TMPRSS3: variants seen among roughly 807,000 people sequenced by gnomAD.
TMPRSS3 encodes transmembrane protease serine 3.
TMPRSS3 carries 55 observed loss-of-function variants against 59.6 expected under a neutral mutation model. The ratio of observed to expected loss-of-function variants is 0.92; its 90% CI spans 0.74 to 1.16. The LOEUF is 1.16. Ranked by LOEUF, TMPRSS3 falls within the 50% of genes most tolerant of loss-of-function variation. The probability of loss-of-function intolerance (pLI) is 0.00; values close to 1 mark genes in which losing one functional copy is unlikely to be tolerated. For missense variants in TMPRSS3, 596 were observed against 579.4 expected (o/e 1.03, Z -0.29); for synonymous variants, 257 against 237.7 (o/e 1.08, Z -0.75).
At chr21:42,378,796 C>T (rs1384178116) in intron 10 of TMPRSS3, among the ~76,000 whole-genome samples, 2 of 152,198 alleles carry the variant, frequency 1.3e-5, no homozygotes, top group Non-Finnish European at 2.9e-5. Context: ...CGGCTCACTG[C>T]AGCTTAGAAT....
intron 8 of TMPRSS3, 116 bp downstream of exon 8, chr21:42,382,917 T>A: frequency 8.0e-7 from 1 of 1,253,274 alleles, no homozygotes. Flanking sequence ...GTACATTACT[T>A]GGAGGTTAGT....
chr21:42,372,681 G>C lies in TMPRSS3; in HGVS notation c.*81C>G. On this transcript the variant is annotated 3_prime_UTR_variant, in exon 13 of 13. Coordinates refer to ENST00000644384, the MANE Select transcript of TMPRSS3 (RefSeq NM_001256317.3). ...TCCAAGGGTGTCTGCTCGTGTGCAGGTTCCTACACGGGAGTCCAGGGGAGG... is the reference window on the plus strand; with the variant it reads ...TCCAAGGGTGTCTGCTCGTGTGCAGCTTCCTACACGGGAGTCCAGGGGAGG... 6.8e-7 allele frequency: 1 copy of C among 1,480,570 alleles called. No homozygotes were observed. Among genetic ancestry groups the C allele is most frequent in the Admixed American group, 1.7e-5 (1 of 59,880 alleles). 91.7% of individuals were successfully genotyped at this position (1,480,570 alleles called of 1,614,324 possible). A position where few individuals can be genotyped will look rare whatever the true frequency, so the allele number is the denominator to read the frequency against.
At position 42,376,564 on chromosome 21, in the gene TMPRSS3, T is replaced by G; in HGVS notation, c.1168A>C (p.Thr390Pro). The G allele has an allele frequency of 6.2e-7, 1 of 1,613,568 alleles. No individual in the cohort carries two copies. Among genetic ancestry groups the G allele is most frequent in the Non-Finnish European group, 8.5e-7 (1 of 1,179,948 alleles). Residue 390 changes from threonine (T) to proline (P), a missense_variant, in exon 11 of 13, where the codon ACG (threonine) becomes CCG (proline). Physicochemically the swap from Thr to Pro is conservative, Grantham distance 38. Transcript: ENST00000644384. ...ACCTGGCAGCTGTCCACGCCACCCG[T>G]CAGGTAGCCCGCGCAGAGCATGGAG... Reference protein sequence around the residue: ...SPSMLCAGYLTGGVDSCQGDS... With the variant: ...SPSMLCAGYLPGGVDSCQGDS...
intron 1 of TMPRSS3, 91 bp from the exon 2 acceptor site, chr21:42,395,559 C>T (rs986045601): frequency 4.0e-5 from 30 of 758,408 alleles, no homozygotes; most frequent in Non-Finnish European, 5.5e-5. Context: ...CTTTGAAATT[C>T]GACAGTCCAC....
At position 42,375,825 on chromosome 21, in the gene TMPRSS3, C is replaced by T. The variant is rs778939088; in HGVS notation, c.1235G>A (p.Trp412Ter). 10 of 1,613,868 alleles carry T rather than the reference C, an allele frequency of 6.2e-6. No individual in the cohort carries two copies. Among genetic ancestry groups the T allele is most frequent in the Non-Finnish European group, 8.5e-6 (10 of 1,180,022 alleles). The change falls in exon 12 of 13, where the codon TGG (tryptophan) becomes TAG (stop). Residue 412 changes from tryptophan to a stop codon, truncating the protein, a stop_gained. Transcript: ENST00000644384. LOFTEE classifies it high-confidence loss of function. ...AAAGCTGGTCGCTCCCACTAACTTC[C>T]ACAGCCTCCTCTCTTGACACACCAG... ...GPLVCQERRL[W>*]KLVGATSFGI... is the part of the protein sequence containing the mutation.
chr21:42,388,916 G>T lies in TMPRSS3; in HGVS notation c.322+13C>A, dbSNP rs1247866771. On this transcript the variant is annotated intron_variant, in intron 4 of 12. Transcript: ENST00000644384. This position sits in a 1 kb window ranked among gnomAD's most constrained non-coding sequence, Gnocchi z 5.1. ...TTCCTTCTGTTTCCCCAGGGGAAGA[G>T]CCATGACCTTACCACAGCGGTACTC... 6 of 1,608,924 alleles carry T rather than the reference G, an allele frequency of 3.7e-6. No homozygotes were observed. In the African/African-American group the frequency reaches 5.3e-5, roughly 14 times the overall value.
At position 42,375,813 on chromosome 21, in the gene TMPRSS3, C is replaced by T; in HGVS notation, c.1247G>A (p.Gly416Glu). Residue 416 changes from glycine to glutamate, a missense_variant, in exon 12 of 13, where the codon GGA (glycine) becomes GAA (glutamate). By Grantham distance (98) the Gly-to-Glu change is moderately conservative (BLOSUM62 -2). Coordinates refer to ENST00000644384, the MANE Select transcript of TMPRSS3 (RefSeq NM_001256317.3). ...GCAGCCGATGCCAAAGCTGGTCGCT[C>T]CCACTAACTTCCACAGCCTCCTCTC... is the stretch of plus-strand genomic sequence containing the variant. ...CQERRLWKLV[G>E]ATSFGIGCAE... 1.2e-6 allele frequency: 2 copies of T among 1,613,930 alleles called. No individual in the cohort carries two copies. The highest frequency in any genetic ancestry group is 1.7e-6 in the Non-Finnish European group (2 of 1,180,012).
chr21:42,374,025 C>T (rs964984028), intron 12 of TMPRSS3, among the ~76,000 whole-genome samples: 4 of 152,274 alleles, frequency 2.6e-5, no homozygotes, highest in South Asian at 2.1e-4. Flanking sequence ...ACTGCAGACC[C>T]GTGTGGAGGA....
chr21:42,373,248 G>A (rs1217667216), intron 12 of TMPRSS3, among the ~76,000 whole-genome samples: 3 of 152,204 alleles, frequency 2.0e-5, no homozygotes, highest in Non-Finnish European at 4.4e-5. Context: ...AACGCACAGC[G>A]GGCCTGCTGG....
At position 42,383,017 on chromosome 21, in the gene TMPRSS3, G is replaced by A. The variant is rs1025181987; in HGVS notation, c.782+16C>T. The A allele has an allele frequency of 3.1e-6, 5 of 1,613,736 alleles. No individual in the cohort carries two copies. Among genetic ancestry groups the A allele is most frequent in the Middle Eastern group, 1.6e-4 (1 of 6,062 alleles). Reference sequence around the variant, plus strand: ...GGAGTGAACAGGGGTCTGGGAAGATGGTCAGCAGCACTCACTCATAAACAC... The same window carrying A: ...GGAGTGAACAGGGGTCTGGGAAGATAGTCAGCAGCACTCACTCATAAACAC... On this transcript the variant is annotated intron_variant, in intron 8 of 12. Coordinates refer to ENST00000644384, the MANE Select transcript of TMPRSS3 (RefSeq NM_001256317.3).
chr21:42,377,270 G>C (rs181521036), intron 10 of TMPRSS3, among the ~76,000 whole-genome samples: 1 of 152,238 alleles, frequency 6.6e-6, no homozygotes, highest in South Asian at 2.1e-4. Flanking sequence ...GGGGTCTTTG[G>C]AGGAGCCGGA....
intron 7 of TMPRSS3, 169 bp from the exon 8 acceptor site, chr21:42,383,367 G>T (rs921251822): frequency 1.4e-6 from 1 of 723,792 alleles, no homozygotes; most frequent in Non-Finnish European, 2.3e-6. Context: ...AGGGGAGGTG[G>T]TCAGGCTCTT....
intron 3 of TMPRSS3, 46 bp downstream of exon 3, chr21:42,389,881 C>T: frequency 1.4e-6 from 2 of 1,443,618 alleles, no homozygotes; most frequent in East Asian, 2.3e-5. Flanking sequence ...AGTTTAACTA[C>T]TTGGCTAGGT....
Position 42,375,860 on chromosome 21 carries a change from G to C in TMPRSS3, c.1200C>G (p.Ser400Arg). 1 of 1,613,636 alleles carries C rather than the reference G, an allele frequency of 6.2e-7. No homozygotes were observed. Among genetic ancestry groups the C allele is most frequent in the Non-Finnish European group, 8.5e-7 (1 of 1,180,006 alleles). The change falls in exon 12 of 13, where the codon AGC (serine) becomes AGG (arginine). Residue 400 changes from serine to arginine, a missense_variant. Coordinates refer to ENST00000644384, the MANE Select transcript of TMPRSS3 (RefSeq NM_001256317.3). ...TCTCTTGACACACCAGGGGCCCCCC[G>C]CTGTCCCCCTGGGTGACAGGAAAGA... ...TGGVDSCQGD[S>R]GGPLVCQERR... is the part of the protein sequence containing the mutation.
intron 3 of TMPRSS3, among the ~76,000 whole-genome samples, chr21:42,389,697 G>T (rs1432350011): frequency 6.6e-6 from 1 of 152,194 alleles, no homozygotes; most frequent in Non-Finnish European, 1.5e-5. Flanking sequence ...AACCGGGCAG[G>T]TTCCTTGGTG....
Position 42,375,747 on chromosome 21 carries a change from G to A in TMPRSS3, c.1313C>T (p.Ser438Phe). The change falls in exon 12 of 13, where the codon TCC becomes TTC. Residue 438 changes from serine (S) to phenylalanine (F), a missense_variant. Coordinates refer to ENST00000644384, the MANE Select transcript of TMPRSS3 (RefSeq NM_001256317.3). ...NKPGVYTRVTSFLDWIHEQME... is the reference protein window; with the variant it reads ...NKPGVYTRVTFFLDWIHEQME... Reference sequence around the variant, plus strand: ...CTGCTCGTGGATCCAGTCCAGGAAGGAGGTGACACGGGTGTACACCCCAGG... The same window carrying A: ...CTGCTCGTGGATCCAGTCCAGGAAGAAGGTGACACGGGTGTACACCCCAGG... 2 of 1,613,822 alleles carry A rather than the reference G, an allele frequency of 1.2e-6. No individual in the cohort carries two copies. The highest frequency in any genetic ancestry group is 1.1e-5 in the South Asian group (1 of 91,086).
intron 7 of TMPRSS3, chr21:42,383,633 T>G (rs1414261671): frequency 1.5e-5 from 8 of 547,804 alleles, no homozygotes; most frequent in South Asian, 1.9e-5. Context: ...CGAGGGGCAC[T>G]GCCCGAGGCC....
chr21:42,376,006 G>T, intron 11 of TMPRSS3, 138 bp from the exon 12 acceptor site: 2 of 1,157,626 alleles, frequency 1.7e-6, no homozygotes, highest in Non-Finnish European at 2.5e-6. Flanking sequence ...GATGACCCAG[G>T]TTACAGAAGG....
intron 12 of TMPRSS3, 138 bp from the exon 13 acceptor site, chr21:42,372,917 C>A (rs2052359752): frequency 2.0e-6 from 2 of 1,013,562 alleles, no homozygotes; most frequent in Non-Finnish European, 3.0e-6. Flanking sequence ...GTTGGCCTCC[C>A]CCTGGGGCTG....
Sources: gnomAD v4.1 joint callset for allele counts (sites outside exome capture counted in the v4.1 genomes callset) on GRCh38, gnomAD v4.1.1 for gene constraint, Gnocchi (gnomAD v3.1) non-coding constraint, MANE v1.5 for transcripts, NCBI Gene and HGNC (gene_info 2026-07-23, HGNC 2026-07-21) for gene names.